The following OTUD7A variants were observed in gnomAD, a reference collection of about 807,000 sequenced individuals.
OTUD7A encodes OTU domain-containing protein 7A.
In OTUD7A, 12 loss-of-function variants were observed where a neutral mutation model predicts 65.7. The observed-to-expected ratio is 0.18, with a 90% CI of 0.12 to 0.30. The LOEUF (loss-of-function observed/expected upper bound fraction) is 0.30, where lower values mean the gene tolerates loss of function less well. Ranked by LOEUF, OTUD7A falls within the 10% of genes least tolerant of loss-of-function variation. The pLI is 1.00. For missense variants in OTUD7A, 1,148 were observed against 1,304.8 expected, an observed-to-expected ratio of 0.88 and a Z score of 1.85; for synonymous variants, 641 against 586.3, an observed-to-expected ratio of 1.09 and a Z score of -1.35.
chr15:31,830,725 AG>A (rs1348992179), intron 1 of OTUD7A, among the ~76,000 whole-genome samples: 1 of 152,238 alleles, frequency 6.6e-6, no homozygotes, highest in Non-Finnish European at 1.5e-5. Flanking sequence ...CAGTATGAAG[AG>A]ACACATTTAC....
At chr15:31,607,042 C>A (rs188377264) in intron 3 of OTUD7A, among the ~76,000 whole-genome samples, 263 of 152,154 alleles carry the variant, frequency 1.7e-3, no homozygotes, top group South Asian at 4.6e-3. Context: ...GGAAACATGG[C>A]AAAATATAAG....
intron 1 of OTUD7A, among the ~76,000 whole-genome samples, chr15:31,695,548 TGCACAAACCA>T (rs1893059143): frequency 6.8e-6 from 1 of 146,034 alleles, no homozygotes; most frequent in African/African-American, 2.5e-5. Flanking sequence ...ATCCAGATCC[TGCACAAACCA>T]GCAACATTTT....
At chr15:31,603,647 G>T (rs1890148787) in intron 3 of OTUD7A, among the ~76,000 whole-genome samples, 1 of 152,204 alleles carries the variant, frequency 6.6e-6, no homozygotes. Context: ...TATCATTAGA[G>T]TGAACAGGCA....
chr15:31,567,244 G>A (rs1888904224), intron 4 of OTUD7A, among the ~76,000 whole-genome samples: 1 of 152,220 alleles, frequency 6.6e-6, no homozygotes, highest in Admixed American at 6.5e-5. Context: ...TTGGGGACTG[G>A]AGCAAATGGT....
At chr15:31,539,385 T>C (rs1487238012) in intron 5 of OTUD7A, among the ~76,000 whole-genome samples, 1 of 152,014 alleles carries the variant, frequency 6.6e-6, no homozygotes. Context: ...GACCCCGAGG[T>C]CTACACTTGG....
chr15:31,632,278 C>G (rs893359084), intron 3 of OTUD7A, among the ~76,000 whole-genome samples: 4 of 152,154 alleles, frequency 2.6e-5, no homozygotes, highest in African/African-American at 7.2e-5. Flanking sequence ...GTGTGGATGT[C>G]CTTTCTGTTT....
intron 10 of OTUD7A, among the ~76,000 whole-genome samples, chr15:31,493,039 C>G (rs972610998): frequency 6.6e-6 from 1 of 151,770 alleles, no homozygotes. Context: ...AACCCTGTCT[C>G]TACTAAAAAT....
intron 5 of OTUD7A, among the ~76,000 whole-genome samples, chr15:31,534,616 ATTC>A (rs1000663035): frequency 2.0e-5 from 3 of 152,242 alleles, no homozygotes; most frequent in African/African-American, 7.2e-5. Context: ...AGATAACACT[ATTC>A]TTCTTAGCAG....
rs192447042 is a variant in OTUD7A, at chr15:31,702,918, C to T, written c.-99-45841G>A. On this transcript the variant is annotated intron_variant, in intron 1 of 12. Transcript: ENST00000307050. Reference sequence around the variant, plus strand: ...GGAATAGAAATATAGATTGAAGGAACAGAATAGAGAACCCGGAACTGATTT... The same window carrying T: ...GGAATAGAAATATAGATTGAAGGAATAGAATAGAGAACCCGGAACTGATTT... Among the ~76,000 whole-genome samples, 502 of 151,578 alleles carry T rather than the reference C, an allele frequency of 3.3e-3. 8 individuals are homozygous for T. Among genetic ancestry groups the T allele is most frequent in the African/African-American group, 0.011 (473 of 41,344 alleles).
intron 3 of OTUD7A, among the ~76,000 whole-genome samples, chr15:31,614,975 T>C (rs117435356): frequency 3.9e-5 from 6 of 152,118 alleles, no homozygotes; most frequent in Admixed American, 3.9e-4. Flanking sequence ...GTAACCTCTA[T>C]CGTAACTACC....
At chr15:31,827,743 G>A (rs1004284606) in intron 1 of OTUD7A, among the ~76,000 whole-genome samples, 4 of 151,978 alleles carry the variant, frequency 2.6e-5, no homozygotes, top group Non-Finnish European at 5.9e-5. Context: ...CCTGGCCAAC[G>A]TGGTAAAATC....
chr15:31,837,857 C>A (rs905210342), intron 1 of OTUD7A, among the ~76,000 whole-genome samples: 5 of 152,162 alleles, frequency 3.3e-5, no homozygotes, highest in Admixed American at 6.5e-5. Context: ...TGAGACAAAT[C>A]ATTATACCTG....
intron 1 of OTUD7A, among the ~76,000 whole-genome samples, chr15:31,702,897 T>C (rs1255526697): frequency 6.6e-6 from 1 of 151,700 alleles, no homozygotes; most frequent in Admixed American, 6.6e-5. Flanking sequence ...GGTGAAGGAA[T>C]AGAAATATAG....
chr15:31,781,450 G>A (rs1895537366), intron 1 of OTUD7A, among the ~76,000 whole-genome samples: 1 of 152,080 alleles, frequency 6.6e-6, no homozygotes, highest in African/African-American at 2.4e-5. Context: ...GGACCACACA[G>A]GAGCCATCCC....
intron 1 of OTUD7A, among the ~76,000 whole-genome samples, chr15:31,755,941 G>A (rs578128741): frequency 3.9e-5 from 6 of 152,260 alleles, no homozygotes; most frequent in African/African-American, 1.4e-4. Context: ...CCTGGTGTCC[G>A]CTAGAAAGGG....
intron 1 of OTUD7A, among the ~76,000 whole-genome samples, chr15:31,781,268 G>T (rs908558065): frequency 6.6e-6 from 1 of 152,146 alleles, no homozygotes; most frequent in African/African-American, 2.4e-5. Flanking sequence ...ATTTAAGAAT[G>T]ACCCCAAGGT....
At position 31,609,641 on chromosome 15, in the gene OTUD7A, G is replaced by A. The variant is rs183192274; in HGVS notation, c.152-39444C>T. On this transcript the variant is annotated intron_variant, in intron 3 of 12. Transcript: ENST00000307050. ...TGATGGTCCTTCCCTACCTCCTCTG[G>A]TAGCTGAGGACAAAGGGCATATACT... 1.8e-4 allele frequency among the ~76,000 whole-genome samples: 27 copies of A among 152,216 alleles called. No individual in the cohort carries two copies. In the South Asian group the frequency reaches 1.9e-3, roughly 11 times the overall value.
chr15:31,622,184 G>T (rs1360755908), intron 3 of OTUD7A, among the ~76,000 whole-genome samples: 1 of 152,074 alleles, frequency 6.6e-6, no homozygotes, highest in East Asian at 1.9e-4. Context: ...TTTCTTTCTG[G>T]TTGCCCTTAA....
chr15:31,750,170 G>A (rs1894592298), intron 1 of OTUD7A, among the ~76,000 whole-genome samples: 1 of 152,138 alleles, frequency 6.6e-6, no homozygotes, highest in South Asian at 2.1e-4. Flanking sequence ...CACTTTGGGA[G>A]GCTGAGGCGG....
Sources: gnomAD v4.1 joint callset for allele counts (sites outside exome capture counted in the v4.1 genomes callset) on GRCh38, gnomAD v4.1.1 for gene constraint, MANE v1.5 for transcripts, NCBI Gene and HGNC (gene_info 2026-07-23, HGNC 2026-07-21) for gene names.